Variants in ZNF506 observed in about 807,000 individuals in gnomAD.
ZNF506 encodes the protein zinc finger protein 506.
In ZNF506, 10 loss-of-function variants were observed where a neutral mutation model predicts 11.6. The observed-to-expected ratio is 0.86, with a 90% CI of 0.53 to 1.46. The LOEUF is 1.46. ZNF506 is among the 40% of genes most tolerant of loss of function. The pLI is 0.00. For synonymous variants in ZNF506, 156 were observed against 173.3 expected, an observed-to-expected ratio of 0.90 and a Z score of 0.78; for missense variants, 425 against 521.2, an observed-to-expected ratio of 0.82 and a Z score of 1.80.
intron 1 of ZNF506, among the ~76,000 whole-genome samples, chr19:19,816,087 ACAG>A (rs1433690863): frequency 6.6e-6 from 1 of 151,974 alleles, no homozygotes; most frequent in Non-Finnish European, 1.5e-5. Context: ...TACCTATCAC[ACAG>A]CCAGACACAC....
At chr19:19,820,938 C>T (rs2062963387) in intron 1 of ZNF506, among the ~76,000 whole-genome samples, 1 of 151,598 alleles carries the variant, frequency 6.6e-6, no homozygotes, top group Non-Finnish European at 1.5e-5. Context: ...CTTGCTCTGT[C>T]GCCCAGGCTG....
intron 3 of ZNF506, chr19:19,796,699 G>A (rs900945891): frequency 3.3e-5 from 5 of 152,118 alleles, no homozygotes; most frequent in African/African-American, 4.8e-5. Flanking sequence ...CACCGTGCCC[G>A]GCCTCTAGGG....
intron 1 of ZNF506, among the ~76,000 whole-genome samples, chr19:19,812,297 G>A (rs2062889339): frequency 6.6e-6 from 1 of 152,200 alleles, no homozygotes; most frequent in African/African-American, 2.4e-5. Context: ...AGTCACCCTG[G>A]GCCGCTGGCC....
intron 1 of ZNF506, among the ~76,000 whole-genome samples, chr19:19,814,661 A>G (rs919785): frequency 0.22 from 33,922 of 151,414 alleles, 4,118 homozygotes; most frequent in East Asian, 0.51. Flanking sequence ...TTAGCTGTGT[A>G]ACAAACCTAC....
chr19:19,795,678 AAC>A lies in ZNF506; in HGVS notation c.227-20_227-19del, dbSNP rs1324911278. ...ATACATAACTGAAAGAAACAATAAAAACACATGACTTCAATTGCTAGACTCAG... is the reference window on the plus strand; with the variant it reads ...ATACATAACTGAAAGAAACAATAAAAACATGACTTCAATTGCTAGACTCAG... On this transcript the variant is annotated intron_variant, in intron 3 of 3. Transcript: ENST00000540806. 6.7e-7 allele frequency: 1 copy of A among 1,484,178 alleles called. No individual in the cohort carries two copies. Among genetic ancestry groups the A allele is most frequent in the African/African-American group, 1.4e-5 (1 of 70,754 alleles). The allele number at this position is 1,484,178 out of a possible 1,614,324, so 91.9% of individuals were successfully genotyped here.
chr19:19,810,350 TA>T (rs1027207297), intron 1 of ZNF506, among the ~76,000 whole-genome samples: 1 of 152,168 alleles, frequency 6.6e-6, no homozygotes, highest in African/African-American at 2.4e-5. Flanking sequence ...AATGTCTGAG[TA>T]AGTCTTGATT....
At position 19,794,494 on chromosome 19, in the gene ZNF506, G is replaced by C. The variant is rs1445458731; in HGVS notation, c.*58C>G. 29 of 1,472,930 alleles carry C rather than the reference G, an allele frequency of 2.0e-5. No homozygotes were observed. The highest frequency in any genetic ancestry group is 1.8e-4 in the Middle Eastern group (1 of 5,574). The allele number at this position is 1,472,930 out of a possible 1,614,324, so 91.2% of individuals were successfully genotyped here. On this transcript the variant is annotated 3_prime_UTR_variant, in exon 4 of 4. Coordinates refer to ENST00000540806, the MANE Select transcript of ZNF506 (RefSeq NM_001099269.3). ...ATTCTCATATTTAGTCAGAGTCCAG[G>C]GCTAGTTAAAGGCTTTCCCACATTC... is the stretch of plus-strand genomic sequence containing the variant.
In ZNF506 at chr19:19,794,791, C is replaced by G; in HGVS notation, c.1096G>C (p.Glu366Gln). 1 of 1,600,544 alleles carries G rather than the reference C, an allele frequency of 6.2e-7. No individual in the cohort carries two copies. Among genetic ancestry groups the G allele is most frequent in the South Asian group, 1.1e-5 (1 of 90,116 alleles). ...CATTCTTCACACTTGTAGGGTTTCT[C>G]TCCAGTATGAGCTCTCTTATGTTTA... is the stretch of plus-strand genomic sequence containing the variant. ...LSKHKRAHTGEKPYKCEECGK... is the reference protein window; with the variant it reads ...LSKHKRAHTGQKPYKCEECGK... Residue 366 changes from glutamate to glutamine, a missense_variant, in exon 4 of 4, where the codon GAG (glutamate) becomes CAG (glutamine). Physicochemically the swap from Glu to Gln is conservative, Grantham distance 29 (BLOSUM62 2). Coordinates refer to ENST00000540806, the MANE Select transcript of ZNF506 (RefSeq NM_001099269.3).
At chr19:19,805,953 T>G in intron 3 of ZNF506, 78 bp downstream of exon 3, 1 of 1,245,812 alleles carries the variant, frequency 8.0e-7, no homozygotes, top group East Asian at 2.5e-5. Flanking sequence ...CCAAATCACA[T>G]TTTAAGGACT....
In ZNF506 at chr19:19,794,023, C is replaced by A. The variant is rs887813648; in HGVS notation, c.*529G>T. 6.5e-6 allele frequency: 1 copy of A among 154,968 alleles called. No homozygotes were observed. Among genetic ancestry groups the A allele is most frequent in the Non-Finnish European group, 1.4e-5 (1 of 70,310 alleles). 9.6% of individuals were successfully genotyped at this position (154,968 alleles called of 1,614,324 possible). ...CGCCATGTCTCTTAAGAATTGAGAA[C>A]TTGTGGCTGGGCGTCGTGGCTCATG... On this transcript the variant is annotated 3_prime_UTR_variant, in exon 4 of 4. Transcript: ENST00000540806.
intron 1 of ZNF506, among the ~76,000 whole-genome samples, chr19:19,807,335 G>A (rs2062843498): frequency 6.6e-6 from 1 of 152,110 alleles, no homozygotes; most frequent in Admixed American, 6.6e-5. Context: ...ACACGAACAT[G>A]TACATTTTTG....
At chr19:19,798,439 G>C (rs1000170710) in intron 3 of ZNF506, 1 of 151,658 alleles carries the variant, frequency 6.6e-6, no homozygotes, top group Admixed American at 6.6e-5. Context: ...ACAAGGTCAG[G>C]AGATGGAGAC....
chr19:19,819,376 CAA>C (rs779777587), intron 1 of ZNF506, among the ~76,000 whole-genome samples: 1 of 132,078 alleles, frequency 7.6e-6, no homozygotes, highest in African/African-American at 2.8e-5. Flanking sequence ...GTTAGCTTTT[CAA>C]AAAAAAAAAA....
At position 19,806,109 on chromosome 19, in the gene ZNF506, G is replaced by GT. The variant is rs2062833876; in HGVS notation, c.147dup (p.Pro50ThrfsTer20). 1 of 1,600,824 alleles carries GT rather than the reference G, an allele frequency of 6.2e-7. No individual in the cohort carries two copies. Among genetic ancestry groups the GT allele is most frequent in the African/African-American group, 1.4e-5 (1 of 73,928 alleles). On this transcript the variant is annotated frameshift_variant, in exon 3 of 4. Coordinates refer to ENST00000540806, the MANE Select transcript of ZNF506 (RefSeq NM_001099269.3). LOFTEE classifies it high-confidence loss of function. ...TGCTCCAGACAGGTGATCAGGTTTG[G>GT]TTTAGAGACAACAATACCTGTTTTA...
rs1204572041 is a variant in ZNF506, at chr19:19,795,226, T to C, written c.661A>G (p.Lys221Glu). 1 of 1,613,988 alleles carries C rather than the reference T, an allele frequency of 6.2e-7. No individual in the cohort carries two copies. Among genetic ancestry groups the C allele is most frequent in the East Asian group, 2.2e-5 (1 of 44,868 alleles). The change falls in exon 4 of 4, where the codon AAA becomes GAA. Residue 221 changes from lysine (K) to glutamate (E), a missense_variant. Transcript: ENST00000540806. ...TAGGGTTTCTCTCCAGTATGAATTT[T>C]CTTATGTGTAGTAAGGTGTGAGGAC... is the stretch of plus-strand genomic sequence containing the variant. ...KQSSHLTTHKKIHTGEKPYKC... is the reference protein window; with the variant it reads ...KQSSHLTTHKEIHTGEKPYKC...
intron 1 of ZNF506, 90 bp from the exon 2 acceptor site, chr19:19,807,158 G>A: frequency 5.0e-6 from 8 of 1,590,300 alleles, no homozygotes; most frequent in Non-Finnish European, 6.8e-6. Flanking sequence ...GTAAAGAGAA[G>A]TGGTTCTGAC....
intron 1 of ZNF506, chr19:19,820,167 AG>A (rs1469766947): frequency 6.6e-6 from 1 of 152,118 alleles, no homozygotes; most frequent in East Asian, 1.9e-4. Context: ...GAAAAACGCC[AG>A]GGAAAATCAG....
Position 19,794,757 on chromosome 19 carries a change from G to T in ZNF506, c.1130C>A (p.Ala377Asp), listed in dbSNP as rs2145168432. ...AGTTAGAGTTGAGAATGCAGTAAAG[G>T]CTTTGCCACATTCTTCACACTTGTA... ...KPYKCEECGK[A>D]FTAFSTLTEH... The change falls in exon 4 of 4, where the codon GCC becomes GAC. Residue 377 changes from alanine to aspartate, a missense_variant. Coordinates refer to ENST00000540806, the MANE Select transcript of ZNF506 (RefSeq NM_001099269.3). 1 of 1,613,854 alleles carries T rather than the reference G, an allele frequency of 6.2e-7. No homozygotes were observed. Among genetic ancestry groups the T allele is most frequent in the East Asian group, 2.2e-5 (1 of 44,854 alleles).
intron 3 of ZNF506, among the ~76,000 whole-genome samples, chr19:19,799,819 C>T (rs950221096): frequency 6.7e-6 from 1 of 148,494 alleles, no homozygotes; most frequent in Non-Finnish European, 1.5e-5. Context: ...GAAATAAAAA[C>T]AGCAAATCCA....
Sources: allele counts gnomAD v4.1 joint callset (sites outside exome capture counted in the v4.1 genomes callset), GRCh38; gene constraint gnomAD v4.1.1; transcripts MANE v1.5; gene names NCBI Gene and HGNC (gene_info 2026-07-23, HGNC 2026-07-21).